Variants in CDH26 observed in about 807,000 individuals in gnomAD.
CDH26 encodes the protein cadherin-like protein 26.
In CDH26, 83 loss-of-function variants were observed where a neutral mutation model predicts 90.3. The ratio of observed to expected loss-of-function variants is 0.92; its 90% CI spans 0.77 to 1.10. The LOEUF is 1.10. Among genes scored for constraint, CDH26 ranks in the 50% least tolerant of loss-of-function variants. The pLI is 0.00. For synonymous variants in CDH26, 397 were observed against 396.3 expected (o/e 1.00, Z -0.02); for missense variants, 1,013 against 1,037.6 (o/e 0.98, Z 0.33).
chr20:60,009,029 C>T (rs878944950), intron 17 of CDH26, among the ~76,000 whole-genome samples: 15 of 152,280 alleles, frequency 9.9e-5, no homozygotes, highest in Middle Eastern at 3.4e-3. Flanking sequence ...GTGTCTCTCC[C>T]GAGCCGACTG....
chr20:59,962,959 G>A (rs561255725), intron 1 of CDH26, among the ~76,000 whole-genome samples: 22 of 152,328 alleles, frequency 1.4e-4, no homozygotes, highest in Admixed American at 1.1e-3. Flanking sequence ...TAGGATTTGA[G>A]TTGCTTGTGG....
At chr20:59,995,337 C>T (rs972992821) in intron 11 of CDH26, among the ~76,000 whole-genome samples, 2 of 152,112 alleles carry the variant, frequency 1.3e-5, no homozygotes, top group Non-Finnish European at 2.9e-5. Flanking sequence ...AGACTGAGGC[C>T]GCCCACCTGG....
At chr20:59,972,572 G>A (rs925921650) in intron 4 of CDH26, among the ~76,000 whole-genome samples, 1 of 152,116 alleles carries the variant, frequency 6.6e-6, no homozygotes, top group Admixed American at 6.5e-5. Flanking sequence ...TGTTCTTTAC[G>A]ATTTCATCAC....
At chr20:59,985,231 T>TTCTTCACA in intron 7 of CDH26, 102 bp downstream of exon 7, 1 of 1,382,326 alleles carries the variant, frequency 7.2e-7, no homozygotes, top group Non-Finnish European at 9.9e-7. Flanking sequence ...GTTATCATAT[T>TTCTTCACA]GCTGTGAAGA....
chr20:60,032,225 A>T (rs2062045231), intron 8 of CDH26, among the ~76,000 whole-genome samples: 10 of 152,194 alleles, frequency 6.6e-5, no homozygotes, highest in Admixed American at 6.5e-4. Flanking sequence ...ATGAAGGTTT[A>T]TTTATCATCA....
In CDH26 at chr20:59,974,911, C is replaced by T. The variant is rs539990354; in HGVS notation, c.393+2788C>T. Reference sequence around the variant, plus strand: ...TGATCTCCTCCATTAGAATGCTGATCTCCCCTCTTAGAATGTAGTTCTAAG... The same window carrying T: ...TGATCTCCTCCATTAGAATGCTGATTTCCCCTCTTAGAATGTAGTTCTAAG... On this transcript the variant is annotated intron_variant, in intron 4 of 17. Transcript: ENST00000348616. 7.2e-5 allele frequency among the ~76,000 whole-genome samples: 11 copies of T among 152,222 alleles called. No individual in the cohort carries two copies. In the East Asian group the frequency reaches 2.1e-3, roughly 29 times the overall value.
rs2061030133 is a variant in CDH26, at chr20:59,958,778, C to T, written c.52C>T (p.Leu18=). Residue 18 remains leucine, a synonymous_variant, in exon 1 of 18, where the codon CTG becomes TTG. Coordinates refer to ENST00000348616, the MANE Select transcript of CDH26 (RefSeq NM_177980.4). ...HPSLLLLLVL[L]LWLLQVSIID... Reference sequence around the variant, plus strand: ...CTCGCTGCTGCTGCTTCTAGTGCTGCTGCTGTGGCTGCTGCAGGTAAGCTG... The same window carrying T: ...CTCGCTGCTGCTGCTTCTAGTGCTGTTGCTGTGGCTGCTGCAGGTAAGCTG... The T allele has an allele frequency of 6.2e-7, 1 of 1,613,866 alleles. No homozygotes were observed. Among genetic ancestry groups the T allele is most frequent in the African/African-American group, 1.3e-5 (1 of 75,034 alleles).
At chr20:59,964,786 T>C (rs1211817131) in intron 1 of CDH26, among the ~76,000 whole-genome samples, 2 of 152,186 alleles carry the variant, frequency 1.3e-5, no homozygotes, top group Non-Finnish European at 2.9e-5. Flanking sequence ...CGTTTATGTC[T>C]TATCATAATA....
rs375141049 is a variant in CDH26, at chr20:59,985,546, G to A, written c.837+417G>A. On this transcript the variant is annotated intron_variant, in intron 7 of 17. Coordinates refer to ENST00000348616, the MANE Select transcript of CDH26 (RefSeq NM_177980.4). The stretch of plus-strand genomic sequence containing the variant: ...CTTCCTTATCACCAAGGGGATGGCC[G>A]GAGCTATTTATGAGGGATCTGCCCC... 8.5e-5 allele frequency among the ~76,000 whole-genome samples: 13 copies of A among 152,218 alleles called. No individual in the cohort carries two copies. In the South Asian group the frequency reaches 2.3e-3, roughly 27 times the overall value.
chr20:59,970,089 T>C lies in CDH26; in HGVS notation c.134T>C (p.Ile45Thr). The C allele has an allele frequency of 6.2e-7, 1 of 1,612,652 alleles. No individual in the cohort carries two copies. Among genetic ancestry groups the C allele is most frequent in the South Asian group, 1.1e-5 (1 of 90,980 alleles). ...DDLTKQTKEK[I>T]YQPLRRSKRR... ...TGTCACTATAAGTTCCAGGAAAAGA[T>C]CTACCAGCCTCTACGGCGATCCAAG... Residue 45 changes from isoleucine (I) to threonine (T), a missense_variant, in exon 3 of 18, where the codon ATC (isoleucine) becomes ACC (threonine). Physicochemically the swap from Ile to Thr is moderately conservative, Grantham distance 89. Transcript: ENST00000348616.
intron 7 of CDH26, among the ~76,000 whole-genome samples, chr20:59,985,773 AT>A (rs1253268704): frequency 6.6e-6 from 1 of 152,222 alleles, no homozygotes; most frequent in African/African-American, 2.4e-5. Context: ...ATGAGCTTAC[AT>A]TTTTGACTGC....
At chr20:59,996,095 T>TC in intron 12 of CDH26, 41 bp downstream of exon 12, 1 of 1,585,750 alleles carries the variant, frequency 6.3e-7, no homozygotes, top group Non-Finnish European at 8.6e-7. Flanking sequence ...GTGGCTCCTC[T>TC]CCCCAGGCAA....
At chr20:60,019,909 T>C (rs989053155) in intron 7 of CDH26, among the ~76,000 whole-genome samples, 2 of 152,232 alleles carry the variant, frequency 1.3e-5, no homozygotes, top group African/African-American at 4.8e-5. Flanking sequence ...ATGGGGTGCA[T>C]TGGCTTTGAT....
At chr20:59,962,716 G>A (rs1313895526) in intron 1 of CDH26, among the ~76,000 whole-genome samples, 1 of 152,230 alleles carries the variant, frequency 6.6e-6, no homozygotes, top group Non-Finnish European at 1.5e-5. Context: ...ATGAATGGGA[G>A]AGACCAATCC....
At chr20:60,022,394 A>G (rs931243395) in intron 7 of CDH26, among the ~76,000 whole-genome samples, 2 of 152,244 alleles carry the variant, frequency 1.3e-5, no homozygotes, top group Non-Finnish European at 2.9e-5. Context: ...TTTGCATTTC[A>G]TCAATTTTGG....
At chr20:59,985,216 A>G in intron 7 of CDH26, 87 bp downstream of exon 7, 1 of 1,505,158 alleles carries the variant, frequency 6.6e-7, no homozygotes, top group Non-Finnish European at 9.1e-7. Context: ...AGAGGGTGTT[A>G]GGCTGTTATC....
At chr20:59,993,190 A>T (rs2061549254) in intron 10 of CDH26, among the ~76,000 whole-genome samples, 1 of 152,166 alleles carries the variant, frequency 6.6e-6, no homozygotes, top group Non-Finnish European at 1.5e-5. Context: ...AGGAGAAAAA[A>T]TGGGGCCAGT....
At chr20:59,976,287 A>G (rs2061327569) in intron 4 of CDH26, among the ~76,000 whole-genome samples, 1 of 152,194 alleles carries the variant, frequency 6.6e-6, no homozygotes, top group Non-Finnish European at 1.5e-5. Context: ...GCTATAACCA[A>G]AGGCTGGAAA....
At chr20:60,002,203 C>A (rs2061685759) in intron 15 of CDH26, among the ~76,000 whole-genome samples, 1 of 152,130 alleles carries the variant, frequency 6.6e-6, no homozygotes, top group Non-Finnish European at 1.5e-5. Context: ...TTTGCACAGG[C>A]AGTATCTGAG....
Sources: gnomAD v4.1 joint callset for allele counts (sites outside exome capture counted in the v4.1 genomes callset) on GRCh38, gnomAD v4.1.1 for gene constraint, MANE v1.5 for transcripts, NCBI Gene and HGNC (gene_info 2026-07-23, HGNC 2026-07-21) for gene names.